Variants in DSCAM observed in about 807,000 individuals in gnomAD.
The protein encoded by DSCAM is cell adhesion molecule DSCAM.
Under a neutral mutation model 217.7 loss-of-function variants are expected in DSCAM, and 47 were observed. The ratio of observed to expected loss-of-function variants is 0.22; its 90% CI spans 0.17 to 0.28. The LOEUF is 0.28. Among genes scored for constraint, DSCAM ranks in the 10% least tolerant of loss-of-function variants. The pLI is 1.00. For missense variants in DSCAM, 2,080 were observed against 2,618.3 expected (o/e 0.79, Z 4.49); for synonymous variants, 1,056 against 1,015.3 (o/e 1.04, Z -0.76).
At chr21:40,048,086 G>A (rs989439763) in intron 30 of DSCAM, among the ~76,000 whole-genome samples, 7 of 152,144 alleles carry the variant, frequency 4.6e-5, no homozygotes, top group African/African-American at 4.8e-5. Context: ...TGGCTGTGTC[G>A]CTGGCCAAGT....
chr21:40,188,716 T>G (rs992893805), intron 12 of DSCAM, among the ~76,000 whole-genome samples: 1 of 152,122 alleles, frequency 6.6e-6, no homozygotes, highest in Admixed American at 6.5e-5. Context: ...TGCAGGAAGT[T>G]AAAACATGCA....
intron 3 of DSCAM, among the ~76,000 whole-genome samples, chr21:40,654,535 A>G (rs1568965365): frequency 6.6e-6 from 1 of 152,216 alleles, no homozygotes; most frequent in Non-Finnish European, 1.5e-5. Flanking sequence ...TCAAAATCCT[A>G]AATGGATCTC....
intron 3 of DSCAM, among the ~76,000 whole-genome samples, chr21:40,473,042 G>A (rs1182407568): frequency 6.6e-6 from 1 of 152,156 alleles, no homozygotes; most frequent in East Asian, 1.9e-4. Flanking sequence ...GGATTTATTT[G>A]AGGAGAAGTA....
At chr21:40,103,139 T>C (rs966060368) in intron 20 of DSCAM, among the ~76,000 whole-genome samples, 4 of 152,242 alleles carry the variant, frequency 2.6e-5, no homozygotes, top group African/African-American at 9.6e-5. Flanking sequence ...CATAGGCTGT[T>C]CATGTCAAAC....
chr21:40,644,139 C>T (rs567679519), intron 3 of DSCAM, among the ~76,000 whole-genome samples: 1 of 152,326 alleles, frequency 6.6e-6, no homozygotes, highest in South Asian at 2.1e-4. Flanking sequence ...ACAGATTTCA[C>T]AGCTTGGCAG....
intron 3 of DSCAM, among the ~76,000 whole-genome samples, chr21:40,476,741 G>A (rs904736283): frequency 1.3e-5 from 2 of 152,118 alleles, no homozygotes; most frequent in South Asian, 2.1e-4. Context: ...TGATGGGAAG[G>A]GCTCAAAAAT....
chr21:40,049,471 C>G (rs553008827), intron 30 of DSCAM, among the ~76,000 whole-genome samples: 1 of 152,262 alleles, frequency 6.6e-6, no homozygotes, highest in East Asian at 1.9e-4. Flanking sequence ...CACTGCTCCA[C>G]ACGCCCGCTG....
intron 3 of DSCAM, among the ~76,000 whole-genome samples, chr21:40,380,390 A>G (rs893744127): frequency 1.3e-5 from 2 of 152,248 alleles, no homozygotes; most frequent in African/African-American, 2.4e-5. Context: ...AAACTTATAA[A>G]TTGTATTTAT....
chr21:40,052,247 T>C (rs1029303388), intron 29 of DSCAM, 140 bp from the exon 30 acceptor site: 10 of 943,562 alleles, frequency 1.1e-5, no homozygotes, highest in Admixed American at 8.8e-5. Context: ...ACAAAAATGA[T>C]TGAAAATTCA....
chr21:40,349,714 C>CAAAAA (rs1461199134), intron 5 of DSCAM, among the ~76,000 whole-genome samples: 1 of 151,968 alleles, frequency 6.6e-6, no homozygotes, highest in Non-Finnish European at 1.5e-5. Flanking sequence ...AATGGCAAAT[C>CAAAAA]AAAACAAAAC....
At chr21:40,516,681 C>A (rs1305957335) in intron 3 of DSCAM, among the ~76,000 whole-genome samples, 1 of 151,998 alleles carries the variant, frequency 6.6e-6, no homozygotes, top group Non-Finnish European at 1.5e-5. Context: ...TCTCTATCTG[C>A]GACTAGGCAG....
At chr21:40,089,603 C>T (rs1216983737) in intron 21 of DSCAM, among the ~76,000 whole-genome samples, 2 of 152,156 alleles carry the variant, frequency 1.3e-5, no homozygotes, top group Admixed American at 6.5e-5. Flanking sequence ...TGCTACCTGT[C>T]GCTAGACTGC....
chr21:40,684,295 C>T (rs1451105600), intron 3 of DSCAM, among the ~76,000 whole-genome samples: 4 of 152,166 alleles, frequency 2.6e-5, no homozygotes, highest in Non-Finnish European at 5.9e-5. Flanking sequence ...CAGGAACGCT[C>T]CACAGGCTGA....
intron 32 of DSCAM, among the ~76,000 whole-genome samples, chr21:40,028,547 C>T (rs140021936): frequency 5.7e-4 from 87 of 152,194 alleles, no homozygotes; most frequent in African/African-American, 1.8e-3. Flanking sequence ...GATATAATCT[C>T]GTGGTGCGCC....
intron 11 of DSCAM, among the ~76,000 whole-genome samples, chr21:40,241,009 A>G (rs1337084703): frequency 6.6e-6 from 1 of 152,228 alleles, no homozygotes; most frequent in Admixed American, 6.5e-5. Flanking sequence ...AAAGATTTAA[A>G]TGTAAAACCC....
intron 17 of DSCAM, among the ~76,000 whole-genome samples, chr21:40,143,090 T>C (rs573683625): frequency 6.6e-6 from 1 of 152,338 alleles, no homozygotes; most frequent in South Asian, 2.1e-4. Context: ...ATTTACTTTA[T>C]AGAGTACGGT....
intron 3 of DSCAM, among the ~76,000 whole-genome samples, chr21:40,479,895 T>TGC: frequency 6.6e-6 from 1 of 152,244 alleles, no homozygotes; most frequent in East Asian, 1.9e-4. Flanking sequence ...CATATGTGTG[T>TGC]GTACATGCGT....
At chr21:40,775,989 T>C (rs1360149632) in intron 1 of DSCAM, among the ~76,000 whole-genome samples, 1 of 152,202 alleles carries the variant, frequency 6.6e-6, no homozygotes, top group Non-Finnish European at 1.5e-5. Flanking sequence ...AATTTATACA[T>C]TTCCCTTTTT....
intron 1 of DSCAM, among the ~76,000 whole-genome samples, chr21:40,794,509 A>G (rs1569039735): frequency 6.6e-6 from 1 of 150,694 alleles, no homozygotes; most frequent in Non-Finnish European, 1.5e-5. Flanking sequence ...CAAGTGTGTT[A>G]TGAGTAAAGC....
Sources: gnomAD v4.1 joint callset for allele counts (sites outside exome capture counted in the v4.1 genomes callset) on GRCh38, gnomAD v4.1.1 for gene constraint, MANE v1.5 for transcripts, NCBI Gene and HGNC (gene_info 2026-07-23, HGNC 2026-07-21) for gene names.